Variants in CYB5R3 observed in about 807,000 individuals in gnomAD.
CYB5R3 encodes cytochrome b5 reductase 3, also known as NADH-cytochrome b5 reductase 3.
CYB5R3 carries 28 observed loss-of-function variants against 36.5 expected under a neutral mutation model. That is an observed-to-expected ratio of 0.77 (90% CI 0.57 to 1.05). The LOEUF (loss-of-function observed/expected upper bound fraction) is 1.05, where lower values mean the gene tolerates loss of function less well. Ranked by LOEUF, CYB5R3 falls within the 50% of genes least tolerant of loss-of-function variation. The pLI, the probability that CYB5R3 is intolerant of heterozygous loss-of-function variation, is 0.00. For missense variants in CYB5R3, 474 were observed against 408.9 expected (o/e 1.16, Z -1.37); for synonymous variants, 181 against 159.8 (o/e 1.13, Z -1.00).
intron 7 of CYB5R3, among the ~76,000 whole-genome samples, chr22:42,625,343 C>T (rs957177134): frequency 3.9e-5 from 6 of 152,002 alleles, no homozygotes; most frequent in Non-Finnish European, 7.4e-5. Context: ...CCCGTCTCTA[C>T]TAAAAATATA....
At chr22:42,623,429 G>A (rs906261031) in intron 8 of CYB5R3, among the ~76,000 whole-genome samples, 4 of 152,224 alleles carry the variant, frequency 2.6e-5, no homozygotes, top group South Asian at 2.1e-4. Context: ...GAGTATGCAC[G>A]CTGGGATGTG....
At chr22:42,647,223 G>A (rs2146915984) in intron 1 of CYB5R3, among the ~76,000 whole-genome samples, 1 of 152,220 alleles carries the variant, frequency 6.6e-6, no homozygotes, top group South Asian at 2.1e-4. Flanking sequence ...CCCACCCTTG[G>A]AGAGATGGGG....
intron 4 of CYB5R3, among the ~76,000 whole-genome samples, chr22:42,629,231 G>T (rs1440825822): frequency 6.6e-6 from 1 of 152,118 alleles, no homozygotes; most frequent in Non-Finnish European, 1.5e-5. Context: ...GGGCCTCCAA[G>T]GCCCCGTCTG....
Position 42,628,187 on chromosome 22 carries a change from C to T in CYB5R3, c.428G>A (p.Arg143Gln), listed in dbSNP as rs370695594. 54 of 1,614,044 alleles carry T rather than the reference C, an allele frequency of 3.3e-5. No homozygotes were observed. Among genetic ancestry groups the T allele is most frequent in the South Asian group, 5.5e-5 (5 of 91,076 alleles). Residue 143 changes from arginine (R) to glutamine (Q), a missense_variant, in exon 5 of 9, where the codon CGG (arginine) becomes CAG (glutamine). Arg to Gln is a conservative substitution (Grantham distance 43). Transcript: ENST00000352397. Reference sequence around the variant, plus strand: ...GTAGACCAGCAGCCCACTGGGGCCCCGGAACTCAATGGTGTCTCCAATCTG... The same window carrying T: ...GTAGACCAGCAGCCCACTGGGGCCCTGGAACTCAATGGTGTCTCCAATCTG... ...SMQIGDTIEF[R>Q]GPSGLLVYQG...
intron 1 of CYB5R3, among the ~76,000 whole-genome samples, chr22:42,639,455 G>A (rs1053193577): frequency 2.0e-5 from 3 of 151,898 alleles, no homozygotes; most frequent in Admixed American, 1.3e-4. Flanking sequence ...TGGAAAAACC[G>A]CGTCTCTACC....
chr22:42,619,473 T>G lies in CYB5R3; in HGVS notation c.*300A>C. Reference sequence around the variant, plus strand: ...CGGGGCTGCTGGCAGCCCTCAGCCTTATAGTGTGTGTGGGGGGTGGACGAG... The same window carrying G: ...CGGGGCTGCTGGCAGCCCTCAGCCTGATAGTGTGTGTGGGGGGTGGACGAG... On this transcript the variant is annotated 3_prime_UTR_variant, in exon 9 of 9. Transcript: ENST00000352397. 4.1e-5 allele frequency: 18 copies of G among 441,126 alleles called. No homozygotes were observed. The highest frequency in any genetic ancestry group is 8.1e-5 in the East Asian group (2 of 24,674). The allele number at this position is 441,126 out of a possible 1,614,324, so 27.3% of individuals were successfully genotyped here. A position where few individuals can be genotyped will look rare whatever the true frequency, so the allele number is the denominator to read the frequency against.
chr22:42,628,040 C>T (rs113899086), intron 5 of CYB5R3, 112 bp downstream of exon 5: 435 of 1,460,208 alleles, frequency 3.0e-4, no homozygotes, highest in African/African-American at 1.2e-3. Flanking sequence ...GCTGGCCTGA[C>T]GAGAGTCACC....
At chr22:42,623,960 G>T in intron 7 of CYB5R3, 72 bp from the exon 8 acceptor site, 1 of 1,378,724 alleles carries the variant, frequency 7.3e-7, no homozygotes, top group South Asian at 1.2e-5. Context: ...CAACAGAGAC[G>T]CGCCTCGTCA....
At chr22:42,619,983 G>C in intron 8 of CYB5R3, 38 bp from the exon 9 acceptor site, 2 of 1,561,668 alleles carry the variant, frequency 1.3e-6, no homozygotes, top group South Asian at 1.2e-5. Flanking sequence ...ACGTGTGGCT[G>C]TGTGGTCACC....
chr22:42,631,794 T>G, intron 2 of CYB5R3: 1 of 375,916 alleles, frequency 2.7e-6, no homozygotes, highest in Non-Finnish European at 5.0e-6. Context: ...GCTCAAGCAG[T>G]GGCCTGAAGG....
Position 42,627,646 on chromosome 22 carries a change from A to T in CYB5R3, c.506T>A (p.Ile169Asn). The change falls in exon 6 of 9, where the codon ATC becomes AAC. Residue 169 changes from isoleucine to asparagine, a missense_variant. Physicochemically the swap from Ile to Asn is moderately radical, Grantham distance 149 (BLOSUM62 -3). Coordinates refer to ENST00000352397, the MANE Select transcript of CYB5R3 (RefSeq NM_000398.7). ...CATGCCCACAGACTTCACTGTCCTG[A>T]TGATAGGGTTGGACTTTTTGTCAGG... ...IRPDKKSNPI[I>N]RTVKSVGMIA... The T allele has an allele frequency of 6.2e-7, 1 of 1,614,078 alleles. No homozygotes were observed. The highest frequency in any genetic ancestry group is 8.5e-7 in the Non-Finnish European group (1 of 1,179,970).
rs1928422180 is a variant in CYB5R3 at position 42,628,430 on chromosome 22, A to T, written c.334-149T>A. On this transcript the variant is annotated intron_variant, in intron 4 of 8. Coordinates refer to ENST00000352397, the MANE Select transcript of CYB5R3 (RefSeq NM_000398.7). ...GTGGAGCCCCATCCACCCAGCCGTC[A>T]AATCCTACCTGTCCTGCACCCCGTC... 3 of 1,001,298 alleles carry T rather than the reference A, an allele frequency of 3.0e-6. No homozygotes were observed. In the South Asian group the frequency reaches 4.0e-5, roughly 13 times the overall value. The allele number at this position is 1,001,298 out of a possible 1,614,324, so 62.0% of individuals were successfully genotyped here. A position where few individuals can be genotyped will look rare whatever the true frequency, so the allele number is the denominator to read the frequency against.
intron 1 of CYB5R3, chr22:42,639,860 A>G: frequency 8.1e-7 from 1 of 1,238,720 alleles, no homozygotes; most frequent in Non-Finnish European, 1.1e-6. Context: ...TTTTTTTTGG[A>G]ATTTCTGACA....
intron 3 of CYB5R3, 89 bp from the exon 4 acceptor site, chr22:42,631,077 C>G (rs994975090): frequency 4.1e-6 from 5 of 1,212,228 alleles, no homozygotes; most frequent in African/African-American, 3.0e-5. Flanking sequence ...GCACCCCACC[C>G]GGCATTCAAA....
At chr22:42,628,024 G>C (rs1170021341) in intron 5 of CYB5R3, 128 bp downstream of exon 5, 26 of 1,341,032 alleles carry the variant, frequency 1.9e-5, no homozygotes, top group Admixed American at 3.4e-5. Context: ...TTCCCAGAGA[G>C]GGACAGCTGG....
intron 1 of CYB5R3, among the ~76,000 whole-genome samples, chr22:42,648,198 C>G (rs1340880244): frequency 6.6e-6 from 1 of 152,194 alleles, no homozygotes; most frequent in Non-Finnish European, 1.5e-5. Flanking sequence ...GGCCTTTTGC[C>G]TGGATCCCCA....
Position 42,629,724 on chromosome 22 carries a change from T to C in CYB5R3, c.333+1158A>G, listed in dbSNP as rs1002457669. Among the ~76,000 whole-genome samples the C allele has an allele frequency of 4.6e-5, 7 of 152,188 alleles. No homozygotes were observed. The South Asian group carries it at 6.2e-4, about 14-fold the overall frequency. On this transcript the variant is annotated intron_variant, in intron 4 of 8. Coordinates refer to ENST00000352397, the MANE Select transcript of CYB5R3 (RefSeq NM_000398.7). Reference sequence around the variant, plus strand: ...TGGGGAGGCTATAGGGCTTTGGCCTTGATTGGGGAGGGTCTCCAACACCCC... The same window carrying C: ...TGGGGAGGCTATAGGGCTTTGGCCTCGATTGGGGAGGGTCTCCAACACCCC...
At chr22:42,645,657 C>G (rs890273341) in intron 1 of CYB5R3, among the ~76,000 whole-genome samples, 1 of 152,186 alleles carries the variant, frequency 6.6e-6, no homozygotes, top group African/African-American at 2.4e-5. Context: ...CCTCTGCTCA[C>G]GCCACCTCAT....
intron 8 of CYB5R3, among the ~76,000 whole-genome samples, chr22:42,621,032 A>G (rs1427188370): frequency 6.6e-6 from 1 of 152,230 alleles, no homozygotes; most frequent in Non-Finnish European, 1.5e-5. Flanking sequence ...CCTCTGGAAC[A>G]AGGCGAGGCA....
Sources: allele counts gnomAD v4.1 joint callset (sites outside exome capture counted in the v4.1 genomes callset), GRCh38; gene constraint gnomAD v4.1.1; transcripts MANE v1.5; gene names NCBI Gene and HGNC (gene_info 2026-07-23, HGNC 2026-07-21).